PRRX1: variants seen among roughly 807,000 people sequenced by gnomAD.
The protein encoded by PRRX1 is paired mesoderm homeobox protein 1.
In PRRX1, 8 loss-of-function variants were observed where a neutral mutation model predicts 24.0. The ratio of observed to expected loss-of-function variants is 0.33; its 90% CI spans 0.20 to 0.60. PRRX1 has a LOEUF of 0.60. Ranked by LOEUF, PRRX1 falls within the 20% of genes least tolerant of loss-of-function variation. The probability of loss-of-function intolerance (pLI) is 0.82; values close to 1 mark genes in which losing one functional copy is unlikely to be tolerated. For missense variants in PRRX1, 281 were observed against 322.4 expected, an observed-to-expected ratio of 0.87 and a Z score of 0.98; for synonymous variants, 160 against 131.7, an observed-to-expected ratio of 1.22 and a Z score of -1.47.
intron 1 of PRRX1, among the ~76,000 whole-genome samples, chr1:170,697,240 G>A (rs182370994): frequency 6.6e-6 from 1 of 152,196 alleles, no homozygotes; most frequent in East Asian, 1.9e-4. Context: ...GCTGTGCTGG[G>A]GAACTAATTT....
At chr1:170,712,244 C>T (rs1654774979) in intron 1 of PRRX1, among the ~76,000 whole-genome samples, 1 of 152,094 alleles carries the variant, frequency 6.6e-6, no homozygotes, top group South Asian at 2.1e-4. Flanking sequence ...TTTTAGAAAG[C>T]CAAGAATTGA....
intron 1 of PRRX1, among the ~76,000 whole-genome samples, chr1:170,716,387 A>T (rs1654907500): frequency 1.3e-5 from 2 of 152,178 alleles, no homozygotes; most frequent in South Asian, 4.1e-4. Flanking sequence ...GATCGAGACC[A>T]TCCCGGCTAA....
intron 1 of PRRX1, among the ~76,000 whole-genome samples, chr1:170,695,872 T>C (rs180715242): frequency 6.6e-6 from 1 of 152,222 alleles, no homozygotes; most frequent in Admixed American, 6.5e-5. Flanking sequence ...CTGAGACCTT[T>C]GATGGAACCT....
chr1:170,731,080 C>T (rs1655422393), intron 3 of PRRX1, among the ~76,000 whole-genome samples: 1 of 152,112 alleles, frequency 6.6e-6, no homozygotes, highest in Non-Finnish European at 1.5e-5. Flanking sequence ...TTCTGAATTT[C>T]AAAACAGAAG....
In PRRX1 at chr1:170,664,184, G is replaced by C; in HGVS notation, c.-35G>C. The C allele has an allele frequency of 6.3e-7, 1 of 1,588,410 alleles. No individual in the cohort carries two copies. Among genetic ancestry groups the C allele is most frequent in the Non-Finnish European group, 8.6e-7 (1 of 1,167,420 alleles). ...CAGCGTTTGGTGTTGATTCGAGCGG[G>C]AAGAGGGGGGTGGGTGGGATCGGTG... is the stretch of plus-strand genomic sequence containing the variant. On this transcript the variant is annotated 5_prime_UTR_variant, in exon 1 of 4. Coordinates refer to ENST00000239461, the MANE Select transcript of PRRX1 (RefSeq NM_022716.4).
chr1:170,728,570 T>G (rs1284635364), intron 3 of PRRX1: 1 of 152,206 alleles, frequency 6.6e-6, no homozygotes, highest in Non-Finnish European at 1.5e-5. Context: ...TTTATATCAT[T>G]TCTCTCTTAG....
At chr1:170,664,015 A>C, upstream of PRRX1, 1 of 587,652 alleles carries the variant, frequency 1.7e-6, no homozygotes, top group Non-Finnish European at 2.9e-6. Flanking sequence ...GCTCTGCTCT[A>C]CAGAAGGGGG....
intron 1 of PRRX1, among the ~76,000 whole-genome samples, chr1:170,710,716 T>C (rs1201908995): frequency 1.3e-5 from 2 of 152,192 alleles, no homozygotes; most frequent in African/African-American, 2.4e-5. Context: ...GTCCTCATGA[T>C]GGAATTAGTG....
At chr1:170,731,628 A>C (rs1332590822) in intron 3 of PRRX1, among the ~76,000 whole-genome samples, 2 of 150,874 alleles carry the variant, frequency 1.3e-5, no homozygotes, top group Admixed American at 1.3e-4. Context: ...TCATTTTAAC[A>C]CATTTTTTTT....
intron 2 of PRRX1, among the ~76,000 whole-genome samples, chr1:170,721,460 C>T (rs1468776967): frequency 2.0e-5 from 3 of 152,094 alleles, no homozygotes; most frequent in African/African-American, 4.8e-5. Flanking sequence ...AGTGGGAGAC[C>T]ACTGTGGAGT....
rs539318330 is a variant in PRRX1 at position 170,729,964 on chromosome 1, A to C, written c.599+3563A>C. ...GCTTCGTGCTTCGTGGGTAGCAGTG[A>C]TCAACCAAGTCCTGAACTTTTGACT... On this transcript the variant is annotated intron_variant, in intron 3 of 3. Coordinates refer to ENST00000239461, the MANE Select transcript of PRRX1 (RefSeq NM_022716.4). Among the ~76,000 whole-genome samples the C allele has an allele frequency of 7.2e-5, 11 of 152,352 alleles. No individual in the cohort carries two copies. The East Asian group carries it at 2.1e-3, about 29-fold the overall frequency.
At chr1:170,723,601 C>T in intron 2 of PRRX1, among the ~76,000 whole-genome samples, 1 of 152,292 alleles carries the variant, frequency 6.6e-6, no homozygotes, top group Non-Finnish European at 1.5e-5. Flanking sequence ...ATGTCCTTGA[C>T]TTCAGAAACT....
intron 3 of PRRX1, among the ~76,000 whole-genome samples, chr1:170,729,457 TG>T (rs1350610963): frequency 6.6e-6 from 1 of 151,758 alleles, no homozygotes; most frequent in Non-Finnish European, 1.5e-5. Context: ...AGCAGTTATT[TG>T]CATATGGTCA....
chr1:170,697,886 A>T (rs1191082140), intron 1 of PRRX1, among the ~76,000 whole-genome samples: 2 of 149,656 alleles, frequency 1.3e-5, no homozygotes, highest in African/African-American at 2.4e-5. Context: ...ATAGATCTAG[A>T]TCTATATATA....
At chr1:170,699,119 T>C (rs1287358087) in intron 1 of PRRX1, among the ~76,000 whole-genome samples, 1 of 152,208 alleles carries the variant, frequency 6.6e-6, no homozygotes, top group Non-Finnish European at 1.5e-5. Flanking sequence ...AATTCCTCTC[T>C]GCCAAATAAA....
intron 1 of PRRX1, among the ~76,000 whole-genome samples, chr1:170,710,836 A>T (rs1046468983): frequency 1.3e-5 from 2 of 152,142 alleles, no homozygotes; most frequent in Non-Finnish European, 2.9e-5. Context: ...CTCAACAGGA[A>T]CCCATATAGG....
At chr1:170,694,994 G>C (rs571570394) in intron 1 of PRRX1, among the ~76,000 whole-genome samples, 1 of 152,152 alleles carries the variant, frequency 6.6e-6, no homozygotes, top group South Asian at 2.1e-4. Context: ...CCGATGCATT[G>C]GGAGATATGC....
chr1:170,723,241 A>T (rs1166798092), intron 2 of PRRX1, among the ~76,000 whole-genome samples: 1 of 152,232 alleles, frequency 6.6e-6, no homozygotes, highest in East Asian at 1.9e-4. Flanking sequence ...CAGGCCCTTC[A>T]TGCTGCACAG....
chr1:170,728,386 CA>C, intron 3 of PRRX1: 1 of 152,188 alleles, frequency 6.6e-6, no homozygotes, highest in Non-Finnish European at 1.5e-5. Context: ...ATACTGGATA[CA>C]TTTTTAAAAA....
Sources: gnomAD v4.1 joint callset for allele counts (sites outside exome capture counted in the v4.1 genomes callset) on GRCh38, gnomAD v4.1.1 for gene constraint, MANE v1.5 for transcripts, NCBI Gene and HGNC (gene_info 2026-07-23, HGNC 2026-07-21) for gene names.